Variants in SLC12A2 observed in about 807,000 individuals in gnomAD.
SLC12A2 encodes Na-K-2Cl cotransporter 1.
SLC12A2 carries 67 observed loss-of-function variants against 136.3 expected under a neutral mutation model. That is an observed-to-expected ratio of 0.49 (90% CI 0.40 to 0.60). The LOEUF (loss-of-function observed/expected upper bound fraction) is 0.60. Ranked by LOEUF, SLC12A2 falls within the 20% of genes least tolerant of loss-of-function variation. SLC12A2 has a pLI of 0.00. For synonymous variants in SLC12A2, 619 were observed against 562.9 expected (o/e 1.10, Z -1.41); for missense variants, 1,322 against 1,534.7 (o/e 0.86, Z 2.32).
intron 1 of SLC12A2, among the ~76,000 whole-genome samples, chr5:128,106,261 GA>G (rs1760931148): frequency 6.6e-6 from 1 of 152,130 alleles, no homozygotes; most frequent in African/African-American, 2.4e-5. Context: ...TCATTTCTGT[GA>G]AAATGGCAGG....
intron 1 of SLC12A2, among the ~76,000 whole-genome samples, chr5:128,085,297 C>T (rs1760058861): frequency 6.6e-6 from 1 of 151,302 alleles, no homozygotes; most frequent in Non-Finnish European, 1.5e-5. Context: ...CTAATAATGG[C>T]ATAACTCTTT....
At chr5:128,169,616 C>T (rs1241769617) in intron 18 of SLC12A2, 2 of 152,032 alleles carry the variant, frequency 1.3e-5, no homozygotes, top group East Asian at 3.9e-4. Context: ...TAAGCAAAAC[C>T]TCATTGTGGC....
At chr5:128,151,521 T>A in intron 14 of SLC12A2, 125 bp downstream of exon 14, 2 of 845,168 alleles carry the variant, frequency 2.4e-6, no homozygotes, top group Non-Finnish European at 3.5e-6. Flanking sequence ...CTACTTTGTA[T>A]AAAACCTAAA....
chr5:128,186,825 A>G lies in SLC12A2; in HGVS notation c.*194A>G, dbSNP rs1317815499. ...AGACTTCGGTTTTAGTCAATTCCATATCTCAATCTTAATGGTGATTCTTCT... is the reference window on the plus strand; with the variant it reads ...AGACTTCGGTTTTAGTCAATTCCATGTCTCAATCTTAATGGTGATTCTTCT... On this transcript the variant is annotated 3_prime_UTR_variant, in exon 27 of 27. Transcript: ENST00000262461. 2.7e-5 allele frequency: 13 copies of G among 473,658 alleles called. No homozygotes were observed. The highest frequency in any genetic ancestry group is 4.8e-5 in the Non-Finnish European group (13 of 269,954). 29.3% of individuals were successfully genotyped at this position (473,658 alleles called of 1,614,324 possible).
At chr5:128,122,865 C>T (rs1352488176) in intron 4 of SLC12A2, among the ~76,000 whole-genome samples, 1 of 151,794 alleles carries the variant, frequency 6.6e-6, no homozygotes, top group African/African-American at 2.4e-5. Flanking sequence ...TTTTTAATAG[C>T]TAGTTTCTTT....
At position 128,188,620 on chromosome 5, in the gene SLC12A2, A is replaced by G. The variant is rs1326113187; in HGVS notation, c.*1989A>G. The G allele has an allele frequency of 6.6e-6, 1 of 151,662 alleles. No individual in the cohort carries two copies. Among genetic ancestry groups the G allele is most frequent in the Non-Finnish European group, 1.5e-5 (1 of 67,962 alleles). The allele number at this position is 151,662 out of a possible 1,614,324, so 9.4% of individuals were successfully genotyped here. A position where few individuals can be genotyped will look rare whatever the true frequency, so the allele number is the denominator to read the frequency against. ...TTTTCATGAATCTTGATAGACATCT[A>G]TAACGTTATTATTTTCAGTGGTGTG... is the stretch of plus-strand genomic sequence containing the variant. On this transcript the variant is annotated 3_prime_UTR_variant, in exon 27 of 27. Transcript: ENST00000262461.
At chr5:128,173,310 A>G (rs1337358800) in intron 19 of SLC12A2, among the ~76,000 whole-genome samples, 2 of 152,220 alleles carry the variant, frequency 1.3e-5, no homozygotes, top group Non-Finnish European at 2.9e-5. Flanking sequence ...CTCTACCAGA[A>G]TTGAGGTTTA....
chr5:128,162,639 C>T (rs1410186808), intron 17 of SLC12A2, among the ~76,000 whole-genome samples: 1 of 151,932 alleles, frequency 6.6e-6, no homozygotes, highest in Non-Finnish European at 1.5e-5. Flanking sequence ...GATGGTGATC[C>T]TAACATGTAA....
Position 128,097,412 on chromosome 5 carries a change from C to T in SLC12A2, c.756+12702C>T, listed in dbSNP as rs1760584965. Among the ~76,000 whole-genome samples the T allele has an allele frequency of 5.9e-5, 9 of 152,116 alleles. No homozygotes were observed. The South Asian group carries it at 1.9e-3, about 32-fold the overall frequency. On this transcript the variant is annotated intron_variant, in intron 1 of 26. Transcript: ENST00000262461. ...ATACTTTAAAGTATATGTACCATAA[C>T]TTGCCATTTCATGCTCTTTGTATAC...
intron 26 of SLC12A2, 35 bp from the exon 27 acceptor site, chr5:128,186,461 G>GTTTTTTTTTTTTT (rs11382084): frequency 8.3e-6 from 11 of 1,323,448 alleles, no homozygotes; most frequent in African/African-American, 3.1e-5. Flanking sequence ...ATTGCTCAGG[G>GTTTTTTTTTTTTT]TTTTTTTTTT....
chr5:128,155,419 T>C (rs988263547), intron 15 of SLC12A2, among the ~76,000 whole-genome samples: 2 of 152,232 alleles, frequency 1.3e-5, no homozygotes, highest in African/African-American at 2.4e-5. Flanking sequence ...TTTTATATTA[T>C]GATTTTGATT....
At chr5:128,139,945 A>G (rs1762307677) in intron 9 of SLC12A2, among the ~76,000 whole-genome samples, 1 of 152,180 alleles carries the variant, frequency 6.6e-6, no homozygotes, top group African/African-American at 2.4e-5. Flanking sequence ...CATGACAGAA[A>G]TACTAATAAT....
rs1762261566 is a variant in SLC12A2 at position 128,138,672 on chromosome 5, T to C, written c.1484T>C (p.Phe495Ser). The C allele has an allele frequency of 6.2e-7, 1 of 1,613,962 alleles. No homozygotes were observed. The highest frequency in any genetic ancestry group is 8.5e-7 in the Non-Finnish European group (1 of 1,179,910). The change falls in exon 8 of 27, where the codon TTT becomes TCT. Residue 495 changes from phenylalanine (F) to serine (S), a missense_variant. By Grantham distance (155) the Phe-to-Ser change is radical. Coordinates refer to ENST00000262461, the MANE Select transcript of SLC12A2 (RefSeq NM_001046.3). ...TTCTTTTCTGTATTTGCCATCTTTT[T>C]TCCTGCTGCAACTGGTATTCTGGCT... ...ETFFSVFAIFFPAATGILAGA... is the reference protein window; with the variant it reads ...ETFFSVFAIFSPAATGILAGA...
intron 16 of SLC12A2, among the ~76,000 whole-genome samples, chr5:128,160,402 A>T (rs1225151537): frequency 6.6e-6 from 1 of 152,144 alleles, no homozygotes; most frequent in Non-Finnish European, 1.5e-5. Flanking sequence ...TATATGTTTT[A>T]TAAAGTCCCA....
At chr5:128,088,562 TTTTTGTG>T (rs1760189630) in intron 1 of SLC12A2, among the ~76,000 whole-genome samples, 1 of 149,446 alleles carries the variant, frequency 6.7e-6, no homozygotes, top group Admixed American at 7.0e-5. Flanking sequence ...GTTTGTTTGT[TTTTTGTG>T]TGTGTGTTTT....
rs764527021 is a variant in SLC12A2 at position 128,184,351 on chromosome 5, TTC to T, written c.3300-13_3300-12del. ...AAATAAGATTAGTTGTCAGTATTCT[TTC>T]TGTTTTTTAAAGTATTATAGCTTTT... On this transcript the variant is annotated splice_polypyrimidine_tract_variant and intron_variant, in intron 24 of 26. Transcript: ENST00000262461. The T allele has an allele frequency of 1.1e-5, 16 of 1,450,112 alleles. No homozygotes were observed. Among genetic ancestry groups the T allele is most frequent in the South Asian group, 8.2e-5 (6 of 72,940 alleles). 89.8% of individuals were successfully genotyped at this position (1,450,112 alleles called of 1,614,324 possible).
At position 128,147,621 on chromosome 5, in the gene SLC12A2, G is replaced by A. The variant is rs1762571022; in HGVS notation, c.1774-1G>A. The A allele has an allele frequency of 1.3e-6, 2 of 1,579,816 alleles. No homozygotes were observed. The highest frequency in any genetic ancestry group is 2.7e-5 in the African/African-American group (2 of 74,098). Reference sequence around the variant, plus strand: ...TTCCATTTTTGTCACTTTTATTTAAGGTAATGAGTATGGTGTCAGGATTTA... The same window carrying A: ...TTCCATTTTTGTCACTTTTATTTAAAGTAATGAGTATGGTGTCAGGATTTA... On this transcript the variant is annotated splice_acceptor_variant, in intron 10 of 26. Coordinates refer to ENST00000262461, the MANE Select transcript of SLC12A2 (RefSeq NM_001046.3). LOFTEE classifies it high-confidence loss of function.
chr5:128,106,839 A>G (rs1175832141), intron 1 of SLC12A2, among the ~76,000 whole-genome samples: 1 of 152,166 alleles, frequency 6.6e-6, no homozygotes, highest in Non-Finnish European at 1.5e-5. Flanking sequence ...TTAAAAAGAC[A>G]CCCACATGAA....
At chr5:128,111,370 T>G (rs1288222326) in intron 1 of SLC12A2, among the ~76,000 whole-genome samples, 1 of 152,184 alleles carries the variant, frequency 6.6e-6, no homozygotes, top group Admixed American at 6.5e-5. Context: ...GTGAGTCTAT[T>G]TGGCTGACAG....
Sources: gnomAD v4.1 joint callset for allele counts (sites outside exome capture counted in the v4.1 genomes callset) on GRCh38, gnomAD v4.1.1 for gene constraint, MANE v1.5 for transcripts, NCBI Gene and HGNC (gene_info 2026-07-23, HGNC 2026-07-21) for gene names.